CNTNAP2: variants seen among roughly 807,000 people sequenced by gnomAD.
CNTNAP2 encodes the protein contactin associated protein 2.
A neutral mutation model predicts 155.2 loss-of-function variants in CNTNAP2; 98 were observed. That is an observed-to-expected ratio of 0.63 (90% CI 0.54 to 0.75). CNTNAP2 has a LOEUF of 0.75. Among genes scored for constraint, CNTNAP2 ranks in the 30% least tolerant of loss-of-function variants. The probability of loss-of-function intolerance (pLI) is 0.00; values close to 1 mark genes in which losing one functional copy is unlikely to be tolerated. For synonymous variants in CNTNAP2, 651 were observed against 631.2 expected, an observed-to-expected ratio of 1.03 and a Z score of -0.47; for missense variants, 1,727 against 1,688.1, an observed-to-expected ratio of 1.02 and a Z score of -0.40.
intron 3 of CNTNAP2, among the ~76,000 whole-genome samples, chr7:146,883,389 A>G (rs138469051): frequency 0.017 from 2,601 of 152,200 alleles, 69 homozygotes; most frequent in African/African-American, 0.059. Context: ...AGTAATTCTC[A>G]AAAAATACGT....
intron 19 of CNTNAP2, among the ~76,000 whole-genome samples, chr7:148,226,690 T>C (rs888424644): frequency 2.0e-5 from 3 of 152,218 alleles, no homozygotes; most frequent in Non-Finnish European, 4.4e-5. Context: ...CACCTGTGCA[T>C]GCAGCCCCTC....
chr7:148,093,218 A>T (rs1485189632), intron 15 of CNTNAP2, among the ~76,000 whole-genome samples: 2 of 152,120 alleles, frequency 1.3e-5, no homozygotes, highest in Non-Finnish European at 2.9e-5. Flanking sequence ...TTTTTTAAAA[A>T]GGAAAGCTAG....
At chr7:147,873,397 A>G (rs1012650446) in intron 13 of CNTNAP2, among the ~76,000 whole-genome samples, 4 of 152,208 alleles carry the variant, frequency 2.6e-5, no homozygotes, top group Admixed American at 1.3e-4. Flanking sequence ...AGGCCTCACA[A>G]TCATGGCAGA....
intron 12 of CNTNAP2, among the ~76,000 whole-genome samples, chr7:147,577,672 GT>G (rs1031649150): frequency 2.1e-4 from 31 of 149,940 alleles, no homozygotes; most frequent in East Asian, 1.8e-3. Flanking sequence ...TTCATAACAA[GT>G]TTTTTTTTTC....
At chr7:148,333,749 T>C (rs1309324568) in intron 21 of CNTNAP2, among the ~76,000 whole-genome samples, 1 of 152,216 alleles carries the variant, frequency 6.6e-6, no homozygotes, top group African/African-American at 2.4e-5. Flanking sequence ...TCAGAAGAGA[T>C]GCCACGAAGT....
At chr7:147,586,728 G>A (rs1006079918) in intron 12 of CNTNAP2, among the ~76,000 whole-genome samples, 15 of 152,146 alleles carry the variant, frequency 9.9e-5, no homozygotes, top group African/African-American at 3.4e-4. Flanking sequence ...CACAAGGGCA[G>A]CCAGACTAGT....
intron 1 of CNTNAP2, among the ~76,000 whole-genome samples, chr7:146,165,674 CA>C (rs1798301701): frequency 1.3e-5 from 2 of 152,142 alleles, no homozygotes; most frequent in South Asian, 4.1e-4. Context: ...TTAAAATCCC[CA>C]CTTTATTATG....
At chr7:147,141,131 A>T (rs1801586239) in intron 8 of CNTNAP2, among the ~76,000 whole-genome samples, 1 of 152,162 alleles carries the variant, frequency 6.6e-6, no homozygotes, top group South Asian at 2.1e-4. Context: ...TCTCATTTAT[A>T]CAAATGGTAA....
chr7:148,186,709 A>G (rs551424692), intron 18 of CNTNAP2, among the ~76,000 whole-genome samples: 1 of 152,128 alleles, frequency 6.6e-6, no homozygotes, highest in East Asian at 1.9e-4. Flanking sequence ...AAAATCCCCA[A>G]CTCTGTGGAG....
chr7:146,773,625 C>T (rs1362330048), intron 1 of CNTNAP2, among the ~76,000 whole-genome samples: 1 of 152,202 alleles, frequency 6.6e-6, no homozygotes, highest in African/African-American at 2.4e-5. Flanking sequence ...AACTCCCGAC[C>T]TCAGGTGATC....
intron 12 of CNTNAP2, among the ~76,000 whole-genome samples, chr7:147,636,963 A>G (rs1369513905): frequency 2.0e-5 from 3 of 152,138 alleles, no homozygotes; most frequent in Non-Finnish European, 4.4e-5. Flanking sequence ...CAAAGGAAGC[A>G]GCAGGTGCAG....
chr7:146,696,676 A>T (rs142646753), intron 1 of CNTNAP2, among the ~76,000 whole-genome samples: 1 of 152,114 alleles, frequency 6.6e-6, no homozygotes, highest in Non-Finnish European at 1.5e-5. Flanking sequence ...TTTCTCTCTC[A>T]TCACTGGTTT....
At position 148,001,703 on chromosome 7, in the gene CNTNAP2, A is replaced by G. The variant is rs1801901019; in HGVS notation, c.2383+23714A>G. 2.6e-5 allele frequency among the ~76,000 whole-genome samples: 4 copies of G among 152,344 alleles called. No individual in the cohort carries two copies. In the South Asian group the frequency reaches 8.3e-4, roughly 32 times the overall value. ...ATGAGGATGATTTTCTTCTTTTGATAACCAATGTGTCTATGAAGCCATCTA... is the reference window on the plus strand; with the variant it reads ...ATGAGGATGATTTTCTTCTTTTGATGACCAATGTGTCTATGAAGCCATCTA... On this transcript the variant is annotated intron_variant, in intron 15 of 23. Coordinates refer to ENST00000361727, the MANE Select transcript of CNTNAP2 (RefSeq NM_014141.6).
chr7:147,131,151 C>G (rs1801347666), intron 7 of CNTNAP2, among the ~76,000 whole-genome samples: 1 of 147,492 alleles, frequency 6.8e-6, no homozygotes, highest in Non-Finnish European at 1.5e-5. Flanking sequence ...TATACATGTA[C>G]CATATACATA....
intron 3 of CNTNAP2, among the ~76,000 whole-genome samples, chr7:147,038,261 G>A (rs1799195397): frequency 6.6e-6 from 1 of 151,938 alleles, no homozygotes; most frequent in Non-Finnish European, 1.5e-5. Flanking sequence ...GTAAAGCAAA[G>A]GCAAACCTTA....
chr7:146,686,185 C>A (rs1800595780), intron 1 of CNTNAP2, among the ~76,000 whole-genome samples: 1 of 151,888 alleles, frequency 6.6e-6, no homozygotes, highest in Non-Finnish European at 1.5e-5. Flanking sequence ...ACCTGTATTA[C>A]CTTGGGAAGC....
intron 1 of CNTNAP2, among the ~76,000 whole-genome samples, chr7:146,557,221 G>T (rs1798210637): frequency 6.6e-6 from 1 of 152,018 alleles, no homozygotes; most frequent in Admixed American, 6.5e-5. Context: ...TTTAGATTAT[G>T]AAGGCAAAGA....
At chr7:147,019,451 A>T (rs1302523997) in intron 3 of CNTNAP2, among the ~76,000 whole-genome samples, 1 of 152,042 alleles carries the variant, frequency 6.6e-6, no homozygotes, top group Non-Finnish European at 1.5e-5. Context: ...ACACAAAGTA[A>T]ATTCAAACAA....
intron 1 of CNTNAP2, among the ~76,000 whole-genome samples, chr7:146,527,575 G>T (rs1797709543): frequency 6.7e-6 from 1 of 150,180 alleles, no homozygotes; most frequent in African/African-American, 2.5e-5. Flanking sequence ...GGAAATTGAT[G>T]ATTTCACATT....
Sources: gnomAD v4.1 joint callset for allele counts (sites outside exome capture counted in the v4.1 genomes callset) on GRCh38, gnomAD v4.1.1 for gene constraint, MANE v1.5 for transcripts, NCBI Gene and HGNC (gene_info 2026-07-23, HGNC 2026-07-21) for gene names.